Variants in ITPRID1 observed in about 807,000 individuals in gnomAD.
The protein encoded by ITPRID1 is ITPR interacting domain containing 1.
ITPRID1 carries 96 observed loss-of-function variants against 95.4 expected under a neutral mutation model. That is an observed-to-expected ratio of 1.01 (90% CI 0.85 to 1.19). ITPRID1 has a LOEUF of 1.19. ITPRID1 is among the 50% of genes most tolerant of loss of function. The pLI is 0.00. For synonymous variants in ITPRID1, 510 were observed against 453.6 expected, an observed-to-expected ratio of 1.12 and a Z score of -1.58; for missense variants, 1,339 against 1,252.9, an observed-to-expected ratio of 1.07 and a Z score of -1.04.
chr7:31,560,110 G>A (rs1469219773), intron 5 of ITPRID1, among the ~76,000 whole-genome samples: 3 of 152,204 alleles, frequency 2.0e-5, no homozygotes, highest in Non-Finnish European at 4.4e-5. Context: ...CTACCTGAAA[G>A]AAGTGAAGGA....
intron 10 of ITPRID1, among the ~76,000 whole-genome samples, chr7:31,631,658 G>A: frequency 6.6e-6 from 1 of 152,084 alleles, no homozygotes; most frequent in East Asian, 1.9e-4. Context: ...TGCTAGACCT[G>A]GAGCAACGGA....
At chr7:31,621,662 G>A (rs1787909202) in intron 10 of ITPRID1, among the ~76,000 whole-genome samples, 1 of 147,706 alleles carries the variant, frequency 6.8e-6, no homozygotes, top group Non-Finnish European at 1.5e-5. Context: ...ATGCCAAAAT[G>A]TAAAGACCAT....
At position 31,656,365 on chromosome 7, in the gene ITPRID1, A is replaced by G. The variant is rs143198751; in HGVS notation, c.*3536A>G. 10 of 345,042 alleles carry G rather than the reference A, an allele frequency of 2.9e-5. No homozygotes were observed. The East Asian group carries it at 1.5e-3, about 52-fold the overall frequency. The allele number at this position is 345,042 out of a possible 1,614,324, so 21.4% of individuals were successfully genotyped here. A position where few individuals can be genotyped will look rare whatever the true frequency, so the allele number is the denominator to read the frequency against. On this transcript the variant is annotated 3_prime_UTR_variant, in exon 15 of 15. Transcript: ENST00000615280. Reference sequence around the variant, plus strand: ...CTGTAAAATAGGGAGAAGAAAAACAACATAGAGTTGTTGGACAGAATAAAT... The same window carrying G: ...CTGTAAAATAGGGAGAAGAAAAACAGCATAGAGTTGTTGGACAGAATAAAT...
At chr7:31,515,810 TG>T (rs1783023892) in intron 1 of ITPRID1, among the ~76,000 whole-genome samples, 1 of 152,100 alleles carries the variant, frequency 6.6e-6, no homozygotes, top group Non-Finnish European at 1.5e-5. Context: ...ACAGAAAGAA[TG>T]ATGGAAGGAG....
chr7:31,606,509 C>T (rs1372949254), intron 10 of ITPRID1, among the ~76,000 whole-genome samples: 1 of 151,804 alleles, frequency 6.6e-6, no homozygotes, highest in Non-Finnish European at 1.5e-5. Context: ...ATGGTTAAAC[C>T]CTAGATGTTT....
At chr7:31,590,456 T>C (rs1583541559) in intron 10 of ITPRID1, among the ~76,000 whole-genome samples, 1 of 152,352 alleles carries the variant, frequency 6.6e-6, no homozygotes, top group South Asian at 2.1e-4. Context: ...GGACTCTTAA[T>C]GTCTTAAGTT....
chr7:31,577,138 G>T (rs998971762), intron 8 of ITPRID1, among the ~76,000 whole-genome samples: 7 of 152,108 alleles, frequency 4.6e-5, no homozygotes, highest in Non-Finnish European at 8.8e-5. Context: ...AGACTGAGGA[G>T]AATATATCCC....
chr7:31,600,533 C>T (rs1441692797), intron 10 of ITPRID1, among the ~76,000 whole-genome samples: 1 of 152,186 alleles, frequency 6.6e-6, no homozygotes, highest in African/African-American at 2.4e-5. Flanking sequence ...AAAATGTATG[C>T]TCCTACAGAA....
In ITPRID1 at chr7:31,553,324, C is replaced by T. The variant is rs114254009; in HGVS notation, c.163+137C>T. On this transcript the variant is annotated intron_variant, in intron 3 of 14. Transcript: ENST00000615280. Reference sequence around the variant, plus strand: ...TATACCAGTGTTCCTGGCATGATGCCGGAAACATTTATGAAATGGGCACTT... The same window carrying T: ...TATACCAGTGTTCCTGGCATGATGCTGGAAACATTTATGAAATGGGCACTT... 6.6e-4 allele frequency: 526 copies of T among 792,336 alleles called. 1 individual carries two copies. The African/African-American group carries it at 7.8e-3, about 12-fold the overall frequency. 49.1% of individuals were successfully genotyped at this position (792,336 alleles called of 1,614,324 possible). A position where few individuals can be genotyped will look rare whatever the true frequency, so the allele number is the denominator to read the frequency against.
intron 3 of ITPRID1, among the ~76,000 whole-genome samples, chr7:31,554,199 C>A (rs963376987): frequency 6.6e-6 from 1 of 152,160 alleles, no homozygotes; most frequent in Non-Finnish European, 1.5e-5. Context: ...TCTAACATCT[C>A]TCGTTCTTCA....
intron 1 of ITPRID1, among the ~76,000 whole-genome samples, chr7:31,519,638 A>ATATATATATATATATATG (rs1409503302): frequency 7.7e-6 from 1 of 130,344 alleles, no homozygotes; most frequent in East Asian, 2.5e-4. Flanking sequence ...ATATATATAT[A>ATATATATATATATATATG]TATATATAAA....
At chr7:31,562,044 T>TA (rs33912394) in intron 5 of ITPRID1, among the ~76,000 whole-genome samples, 882 of 52,546 alleles carry the variant, frequency 0.017, 61 homozygotes, top group African/African-American at 0.054. Flanking sequence ...GCTATGTATT[T>TA]AAAAAAAAAA....
chr7:31,607,003 G>A (rs1306328541), intron 10 of ITPRID1, among the ~76,000 whole-genome samples: 1 of 152,056 alleles, frequency 6.6e-6, no homozygotes, highest in Non-Finnish European at 1.5e-5. Flanking sequence ...CAATGAAGCT[G>A]TCATCCTTGG....
intron 9 of ITPRID1, among the ~76,000 whole-genome samples, chr7:31,578,704 A>G (rs1162422855): frequency 6.6e-6 from 1 of 152,056 alleles, no homozygotes; most frequent in Non-Finnish European, 1.5e-5. Flanking sequence ...CTTTGGCTCA[A>G]TTGTTTTATG....
At chr7:31,572,263 G>A in intron 7 of ITPRID1, 75 bp downstream of exon 7, 1 of 904,714 alleles carries the variant, frequency 1.1e-6, no homozygotes, top group Non-Finnish European at 1.7e-6. Context: ...ATTATAAATA[G>A]GCACTTGTTG....
At position 31,653,545 on chromosome 7, in the gene ITPRID1, G is replaced by T. The variant is rs996879393; in HGVS notation, c.*716G>T. On this transcript the variant is annotated 3_prime_UTR_variant, in exon 15 of 15. Transcript: ENST00000615280. The stretch of plus-strand genomic sequence containing the variant: ...TACTTTGTCAGGATAAAATTCAACA[G>T]AACTGTTTTAGACTAAAGATTTTAG... 1.3e-5 allele frequency: 2 copies of T among 152,128 alleles called. No individual in the cohort carries two copies. The highest frequency in any genetic ancestry group is 4.8e-5 in the African/African-American group (2 of 41,422). The allele number at this position is 152,128 out of a possible 1,614,324, so 9.4% of individuals were successfully genotyped here.
At chr7:31,612,242 A>C (rs1786902026) in intron 10 of ITPRID1, among the ~76,000 whole-genome samples, 1 of 152,104 alleles carries the variant, frequency 6.6e-6, no homozygotes, top group South Asian at 2.1e-4. Context: ...TTGATGAGAC[A>C]TTCTTTCTCA....
At chr7:31,589,236 G>A (rs1262491044) in intron 10 of ITPRID1, among the ~76,000 whole-genome samples, 1 of 151,994 alleles carries the variant, frequency 6.6e-6, no homozygotes, top group Non-Finnish European at 1.5e-5. Context: ...GAAAGACTTG[G>A]TGGATTTTAA....
chr7:31,658,492 C>A, downstream of ITPRID1: 2 of 1,057,342 alleles, frequency 1.9e-6, no homozygotes, highest in East Asian at 2.9e-5. Context: ...AAGTGGTGCC[C>A]CTTTGAGAAG....
Sources: allele counts gnomAD v4.1 joint callset (sites outside exome capture counted in the v4.1 genomes callset), GRCh38; gene constraint gnomAD v4.1.1; transcripts MANE v1.5; gene names NCBI Gene and HGNC (gene_info 2026-07-23, HGNC 2026-07-21).